IPPK: variants seen among roughly 807,000 people sequenced by gnomAD.
IPPK encodes inositol-pentakisphosphate 2-kinase, also known as IPK1 homolog.
In IPPK, 22 loss-of-function variants were observed where a neutral mutation model predicts 64.6. The ratio of observed to expected loss-of-function variants is 0.34; its 90% CI spans 0.24 to 0.49. The LOEUF is 0.49. Among genes scored for constraint, IPPK ranks in the 20% least tolerant of loss-of-function variants. The probability of loss-of-function intolerance (pLI) is 0.99; values close to 1 mark genes in which losing one functional copy is unlikely to be tolerated. For missense variants in IPPK, 532 were observed against 630.7 expected (o/e 0.84, Z 1.68); for synonymous variants, 262 against 247.2 (o/e 1.06, Z -0.56).
chr9:92,613,450 C>T lies in IPPK; in HGVS notation c.*2382G>A. On this transcript the variant is annotated 3_prime_UTR_variant, in exon 13 of 13. Coordinates refer to ENST00000287996, the MANE Select transcript of IPPK (RefSeq NM_022755.6). The stretch of plus-strand genomic sequence containing the variant: ...GTGTGGGGAGGATCCATCCCCCACC[C>T]ACTGCAGCCTCACACCGAGTCCACC... 3.1e-6 allele frequency: 1 copy of T among 325,764 alleles called. No homozygotes were observed. Among genetic ancestry groups the T allele is most frequent in the Non-Finnish European group, 5.9e-6 (1 of 168,378 alleles). The allele number at this position is 325,764 out of a possible 1,614,324, so 20.2% of individuals were successfully genotyped here.
chr9:92,637,912 T>C, intron 9 of IPPK, 89 bp downstream of exon 9: 5 of 1,362,012 alleles, frequency 3.7e-6, no homozygotes, highest in Non-Finnish European at 4.8e-6. Flanking sequence ...CCCAGGAGGC[T>C]GTGCTGACCG....
intron 1 of IPPK, among the ~76,000 whole-genome samples, chr9:92,659,913 C>G (rs952359899): frequency 1.3e-5 from 2 of 152,022 alleles, no homozygotes; most frequent in South Asian, 4.1e-4. Context: ...AGATAGCTGT[C>G]CCCTCCTTAA....
intron 2 of IPPK, among the ~76,000 whole-genome samples, chr9:92,658,232 GT>G (rs1238089788): frequency 6.6e-6 from 1 of 152,236 alleles, no homozygotes; most frequent in Non-Finnish European, 1.5e-5. Context: ...CCACCACAAT[GT>G]TTAACACAGA....
intron 11 of IPPK, among the ~76,000 whole-genome samples, chr9:92,622,612 A>G (rs1026917542): frequency 3.3e-5 from 5 of 151,880 alleles, no homozygotes; most frequent in Non-Finnish European, 7.4e-5. Flanking sequence ...AGAATAATAT[A>G]TATATATATA....
rs1268415411 is a variant in IPPK, at chr9:92,615,726, A to G, written c.*106T>C. The stretch of plus-strand genomic sequence containing the variant: ...GGCAATCCCACCTCAAAAGGGGTTA[A>G]AAGCAAAAACATTCACAACCAAAGG... On this transcript the variant is annotated 3_prime_UTR_variant, in exon 13 of 13. Transcript: ENST00000287996. 5 of 933,696 alleles carry G rather than the reference A, an allele frequency of 5.4e-6. No homozygotes were observed. Among genetic ancestry groups the G allele is most frequent in the Non-Finnish European group, 8.3e-6 (5 of 605,448 alleles). 57.8% of individuals were successfully genotyped at this position (933,696 alleles called of 1,614,324 possible).
chr9:92,661,101 C>G (rs892633628), intron 1 of IPPK, among the ~76,000 whole-genome samples: 2 of 152,196 alleles, frequency 1.3e-5, no homozygotes, highest in African/African-American at 4.8e-5. Context: ...TCAGGGCCCA[C>G]GCTACACTCC....
At chr9:92,616,293 G>A (rs1465895523) in intron 12 of IPPK, 10 of 470,140 alleles carry the variant, frequency 2.1e-5, no homozygotes, top group South Asian at 9.2e-5. Flanking sequence ...TGTCTGTGCC[G>A]GCTGTGTGCA....
intron 1 of IPPK, among the ~76,000 whole-genome samples, chr9:92,662,620 C>T (rs1407062010): frequency 2.6e-5 from 4 of 151,990 alleles, no homozygotes; most frequent in South Asian, 2.1e-4. Context: ...ACAAAAGCAA[C>T]GCTAAACCAA....
In IPPK at chr9:92,638,107, C is replaced by A. The variant is rs1564032542; in HGVS notation, c.810G>T (p.Leu270=). 1 of 1,614,090 alleles carries A rather than the reference C, an allele frequency of 6.2e-7. No individual in the cohort carries two copies. The highest frequency in any genetic ancestry group is 8.5e-7 in the Non-Finnish European group (1 of 1,180,018). Residue 270 remains leucine (L), a synonymous_variant, in exon 9 of 13, where the codon CTG becomes CTT. Coordinates refer to ENST00000287996, the MANE Select transcript of IPPK (RefSeq NM_022755.6). Reference sequence around the variant, plus strand: ...CTGCCCGGCCCTTGTCCGAGCCACTCAGCAGCACCCGTGTGATCACGTGCA... The same window carrying A: ...CTGCCCGGCCCTTGTCCGAGCCACTAAGCAGCACCCGTGTGATCACGTGCA... ...ELVHVITRVL[L]SGSDKGRAGT...
In IPPK at chr9:92,615,722, G is replaced by A. The variant is rs1485358182; in HGVS notation, c.*110C>T. ...AAGAGGCAATCCCACCTCAAAAGGG[G>A]TTAAAAGCAAAAACATTCACAACCA... On this transcript the variant is annotated 3_prime_UTR_variant, in exon 13 of 13. Coordinates refer to ENST00000287996, the MANE Select transcript of IPPK (RefSeq NM_022755.6). The A allele has an allele frequency of 6.8e-6, 6 of 882,624 alleles. No individual in the cohort carries two copies. The highest frequency in any genetic ancestry group is 1.7e-5 in the African/African-American group (1 of 60,004). 54.7% of individuals were successfully genotyped at this position (882,624 alleles called of 1,614,324 possible). A position where few individuals can be genotyped will look rare whatever the true frequency, so the allele number is the denominator to read the frequency against.
intron 6 of IPPK, among the ~76,000 whole-genome samples, chr9:92,646,624 TAGA>T (rs1453199907): frequency 6.6e-6 from 1 of 152,182 alleles, no homozygotes; most frequent in African/African-American, 2.4e-5. Flanking sequence ...AAAGATTTAT[TAGA>T]AGAATGATCT....
chr9:92,640,440 G>T (rs1852024772), intron 8 of IPPK, among the ~76,000 whole-genome samples: 1 of 152,092 alleles, frequency 6.6e-6, no homozygotes. Context: ...GCAACTGGTG[G>T]GGCTTTGGTC....
At chr9:92,618,036 G>T (rs1428522915) in intron 12 of IPPK, 1 of 350,046 alleles carries the variant, frequency 2.9e-6, no homozygotes, top group Non-Finnish European at 5.7e-6. Flanking sequence ...ACGCCAAGAT[G>T]ACTCATGATA....
At chr9:92,657,104 C>A (rs1852387759) in intron 2 of IPPK, among the ~76,000 whole-genome samples, 1 of 152,144 alleles carries the variant, frequency 6.6e-6, no homozygotes, top group Admixed American at 6.5e-5. Context: ...AATCCCAGCA[C>A]TTTGGGAGGC....
chr9:92,669,173 C>T (rs1321723366), intron 1 of IPPK, among the ~76,000 whole-genome samples: 1 of 152,104 alleles, frequency 6.6e-6, no homozygotes, highest in African/African-American at 2.4e-5. Flanking sequence ...CTCCCTCACC[C>T]CCCTCCCCCG....
chr9:92,656,411 T>C (rs767080041), intron 3 of IPPK, 45 bp downstream of exon 3: 78 of 1,290,484 alleles, frequency 6.0e-5, no homozygotes, highest in Non-Finnish European at 8.6e-5. Flanking sequence ...GCAGTGTTGA[T>C]GCAAAACATG....
chr9:92,652,398 G>A (rs375246376), intron 4 of IPPK, among the ~76,000 whole-genome samples, 175 bp downstream of exon 4: 1 of 144,922 alleles, frequency 6.9e-6, no homozygotes, highest in East Asian at 2.0e-4. Flanking sequence ...GCAGTGAGCC[G>A]AGATCGCACC....
chr9:92,619,355 G>A (rs1851549583), intron 12 of IPPK, 131 bp downstream of exon 12: 1 of 713,576 alleles, frequency 1.4e-6, no homozygotes, highest in Non-Finnish European at 2.4e-6. Context: ...TGTCACATAG[G>A]CCAAGGAAGT....
chr9:92,622,851 G>C (rs965059932), intron 11 of IPPK, among the ~76,000 whole-genome samples: 2 of 152,016 alleles, frequency 1.3e-5, no homozygotes, highest in African/African-American at 4.8e-5. Flanking sequence ...AAGACAGAAG[G>C]ATTTGTCAGA....
Sources: gnomAD v4.1 joint callset for allele counts (sites outside exome capture counted in the v4.1 genomes callset) on GRCh38, gnomAD v4.1.1 for gene constraint, MANE v1.5 for transcripts, NCBI Gene and HGNC (gene_info 2026-07-23, HGNC 2026-07-21) for gene names.